TLE4: variants seen among roughly 807,000 people sequenced by gnomAD.
TLE4 encodes transducin-like enhancer protein 4.
In TLE4, 8 loss-of-function variants were observed where a neutral mutation model predicts 92.8. The ratio of observed to expected loss-of-function variants is 0.09; its 90% CI spans 0.05 to 0.16. The LOEUF (loss-of-function observed/expected upper bound fraction) is 0.16. TLE4 is among the 10% of genes least tolerant of loss of function. TLE4 has a pLI of 1.00. For synonymous variants in TLE4, 371 were observed against 374.1 expected (o/e 0.99, Z 0.10); for missense variants, 675 against 997.6 (o/e 0.68, Z 4.36).
At chr9:79,656,107 G>A (rs1171867763) in intron 8 of TLE4, among the ~76,000 whole-genome samples, 1 of 152,202 alleles carries the variant, frequency 6.6e-6, no homozygotes, top group Non-Finnish European at 1.5e-5. Flanking sequence ...CAAATTTGAA[G>A]TTGTATTACG....
intron 16 of TLE4, 97 bp downstream of exon 16, chr9:79,720,390 GT>G: frequency 9.1e-7 from 1 of 1,095,264 alleles, no homozygotes; most frequent in East Asian, 2.7e-5. Context: ...GTGTGTGTGT[GT>G]GTGTGTGTGT....
intron 5 of TLE4, among the ~76,000 whole-genome samples, chr9:79,624,565 A>T (rs1453634842): frequency 2.6e-5 from 4 of 152,232 alleles, no homozygotes; most frequent in Admixed American, 2.0e-4. Flanking sequence ...GAAGAAGCTG[A>T]ATCATGACTT....
intron 8 of TLE4, among the ~76,000 whole-genome samples, chr9:79,662,192 C>T (rs964821176): frequency 6.6e-6 from 1 of 152,182 alleles, no homozygotes; most frequent in African/African-American, 2.4e-5. Flanking sequence ...TAAGGGTGAG[C>T]ATGAGGAATT....
At chr9:79,586,451 A>G (rs1309017058) in intron 4 of TLE4, among the ~76,000 whole-genome samples, 1 of 152,134 alleles carries the variant, frequency 6.6e-6, no homozygotes, top group Non-Finnish European at 1.5e-5. Flanking sequence ...AGATGTGCAA[A>G]GGGACTATGT....
chr9:79,595,435 A>G (rs572269882), intron 4 of TLE4, among the ~76,000 whole-genome samples: 8 of 152,312 alleles, frequency 5.3e-5, no homozygotes, highest in Admixed American at 1.3e-4. Context: ...AAAACAAAAC[A>G]AAAAACTCCA....
chr9:79,662,882 T>C (rs2060755656), intron 8 of TLE4, among the ~76,000 whole-genome samples: 1 of 152,314 alleles, frequency 6.6e-6, no homozygotes, highest in Non-Finnish European at 1.5e-5. Flanking sequence ...GTTGCTTCTA[T>C]TGATCTATTC....
intron 13 of TLE4, among the ~76,000 whole-genome samples, chr9:79,709,269 A>G (rs978088201): frequency 2.0e-5 from 3 of 152,098 alleles, no homozygotes; most frequent in Non-Finnish European, 4.4e-5. Flanking sequence ...TTTATTTTAT[A>G]TGTCTTTTTA....
chr9:79,602,903 A>G (rs892781432), intron 4 of TLE4, among the ~76,000 whole-genome samples: 3 of 152,150 alleles, frequency 2.0e-5, no homozygotes, highest in Non-Finnish European at 4.4e-5. Flanking sequence ...TTTGTGGTTC[A>G]TGGGAGGAGG....
chr9:79,722,351 C>A, intron 17 of TLE4, 100 bp from the exon 18 acceptor site: 1 of 1,352,262 alleles, frequency 7.4e-7, no homozygotes, highest in Non-Finnish European at 9.9e-7. Flanking sequence ...TCTTGATTTT[C>A]TTCATAATTT....
intron 14 of TLE4, among the ~76,000 whole-genome samples, chr9:79,716,553 CCTGATGGTAA>C (rs2074532025): frequency 6.6e-6 from 1 of 152,144 alleles, no homozygotes; most frequent in Admixed American, 6.5e-5. Context: ...TTCCCCAGCA[CCTGATGGTAA>C]CTGGAACATA....
chr9:79,649,902 TTTTTTTG>T (rs746043648), intron 6 of TLE4: 229 of 1,341,430 alleles, frequency 1.7e-4, no homozygotes, highest in Middle Eastern at 1.1e-3. Flanking sequence ...GTTGTTGTTG[TTTTTTTG>T]TTTTTTGTTT....
At chr9:79,683,336 C>T (rs1003137979) in intron 8 of TLE4, among the ~76,000 whole-genome samples, 1 of 152,064 alleles carries the variant, frequency 6.6e-6, no homozygotes, top group African/African-American at 2.4e-5. Flanking sequence ...GGTTTATGTC[C>T]CCTTTTTGAA....
At chr9:79,576,390 A>AAAT (rs2037769297) in intron 4 of TLE4, 1 of 346,342 alleles carries the variant, frequency 2.9e-6, no homozygotes, top group Non-Finnish European at 5.2e-6. Context: ...GTTATTTTAA[A>AAAT]AAGTCTGAAT....
At chr9:79,628,373 T>C (rs1422288206) in intron 6 of TLE4, among the ~76,000 whole-genome samples, 1 of 152,154 alleles carries the variant, frequency 6.6e-6, no homozygotes, top group Non-Finnish European at 1.5e-5. Flanking sequence ...TCGTTTACTT[T>C]CATTAAAATT....
intron 6 of TLE4, 58 bp from the exon 7 acceptor site, chr9:79,652,535 G>A: frequency 6.3e-7 from 1 of 1,584,668 alleles, no homozygotes; most frequent in South Asian, 1.1e-5. Flanking sequence ...TGTTTCTCTT[G>A]GGGCAGGGGT....
At chr9:79,665,514 G>C (rs1364584135) in intron 8 of TLE4, among the ~76,000 whole-genome samples, 1 of 152,212 alleles carries the variant, frequency 6.6e-6, no homozygotes, top group African/African-American at 2.4e-5. Context: ...ACCAGTTTAT[G>C]ATGATGGGAG....
intron 8 of TLE4, among the ~76,000 whole-genome samples, chr9:79,698,862 T>TATATATATAC (rs1450693998): frequency 6.8e-6 from 1 of 146,164 alleles, no homozygotes; most frequent in East Asian, 1.9e-4. Flanking sequence ...TTATTTCTTA[T>TATATATATAC]ATATATATAC....
At chr9:79,720,328 A>G (rs770486145) in intron 16 of TLE4, 35 bp downstream of exon 16, 25 of 1,581,972 alleles carry the variant, frequency 1.6e-5, no homozygotes, top group Non-Finnish European at 2.1e-5. Context: ...GGTTGTGAGG[A>G]GGAGCCGATT....
intron 14 of TLE4, among the ~76,000 whole-genome samples, chr9:79,713,381 C>T (rs1010165109): frequency 2.6e-5 from 4 of 152,210 alleles, no homozygotes; most frequent in Admixed American, 2.0e-4. Context: ...CCAAGCCTAG[C>T]ATTTTCTTCA....
Sources: allele counts gnomAD v4.1 joint callset (sites outside exome capture counted in the v4.1 genomes callset), GRCh38; gene constraint gnomAD v4.1.1; transcripts MANE v1.5; gene names NCBI Gene and HGNC (gene_info 2026-07-23, HGNC 2026-07-21).